Variants in LINGO2 observed in about 807,000 individuals in gnomAD.
LINGO2 encodes the protein leucine rich repeat and Ig domain containing 2.
Under a neutral mutation model 30.6 loss-of-function variants are expected in LINGO2, and 14 were observed. That is an observed-to-expected ratio of 0.46 (90% CI 0.30 to 0.72). The LOEUF (loss-of-function observed/expected upper bound fraction) is 0.72. Ranked by LOEUF, LINGO2 falls within the 30% of genes least tolerant of loss-of-function variation. The pLI is 0.07. For synonymous variants in LINGO2, 317 were observed against 288.5 expected, an observed-to-expected ratio of 1.10 and a Z score of -1.00; for missense variants, 729 against 751.7, an observed-to-expected ratio of 0.97 and a Z score of 0.35.
chr9:28,141,889 G>A (rs924454498), intron 4 of LINGO2, among the ~76,000 whole-genome samples: 1 of 152,214 alleles, frequency 6.6e-6, no homozygotes, highest in Non-Finnish European at 1.5e-5. Context: ...TCCAGCCTGG[G>A]TGACAGGGCG....
chr9:28,835,074 A>C, the LINGO2 span, among the ~76,000 whole-genome samples: 1 of 152,212 alleles, frequency 6.6e-6, no homozygotes, highest in Non-Finnish European at 1.5e-5. Flanking sequence ...TCTGGGGCTT[A>C]GACCTGCTCT....
At chr9:28,826,554 C>T in the LINGO2 span, among the ~76,000 whole-genome samples, 1 of 152,056 alleles carries the variant, frequency 6.6e-6, no homozygotes, top group Non-Finnish European at 1.5e-5. Context: ...AGCACACACA[C>T]ACAAAATTGT....
At chr9:28,282,158 C>T (rs778113550) in intron 4 of LINGO2, among the ~76,000 whole-genome samples, 9 of 152,042 alleles carry the variant, frequency 5.9e-5, no homozygotes, top group South Asian at 2.1e-4. Context: ...TCATTAGAGA[C>T]CAAAGTTTAA....
the LINGO2 span, among the ~76,000 whole-genome samples, chr9:28,729,213 C>G: frequency 1.3e-5 from 2 of 152,000 alleles, no homozygotes; most frequent in East Asian, 3.9e-4. Context: ...TATCAGCAGC[C>G]CAAGAAGAAA....
chr9:29,062,221 C>A, the LINGO2 span, among the ~76,000 whole-genome samples: 1 of 151,932 alleles, frequency 6.6e-6, no homozygotes, highest in Non-Finnish European at 1.5e-5. Context: ...AAATTAGAAG[C>A]CTGTGCACTG....
At chr9:29,090,367 A>G in the LINGO2 span, among the ~76,000 whole-genome samples, 1 of 151,944 alleles carries the variant, frequency 6.6e-6, no homozygotes, top group Non-Finnish European at 1.5e-5. Flanking sequence ...CCCCTTCAGC[A>G]TCAGTCTTGC....
At chr9:28,203,529 T>A (rs1241449124) in intron 4 of LINGO2, among the ~76,000 whole-genome samples, 1 of 152,078 alleles carries the variant, frequency 6.6e-6, no homozygotes, top group African/African-American at 2.4e-5. Flanking sequence ...TTCTGAAAAT[T>A]AGTCATTGCT....
At chr9:28,556,752 C>T (rs1338261553) in intron 1 of LINGO2, among the ~76,000 whole-genome samples, 1 of 151,952 alleles carries the variant, frequency 6.6e-6, no homozygotes, top group African/African-American at 2.4e-5. Flanking sequence ...AACTATACTA[C>T]AAGGCTACAG....
chr9:28,646,490 A>G (rs1827844469), intron 1 of LINGO2, among the ~76,000 whole-genome samples: 2 of 152,110 alleles, frequency 1.3e-5, no homozygotes, highest in Non-Finnish European at 2.9e-5. Flanking sequence ...TGAGAAAGTG[A>G]AAGAAACCAT....
At chr9:28,973,925 T>G in the LINGO2 span, among the ~76,000 whole-genome samples, 1 of 152,146 alleles carries the variant, frequency 6.6e-6, no homozygotes, top group Non-Finnish European at 1.5e-5. Context: ...AAACGAACAT[T>G]AATGAGCAAT....
chr9:28,619,305 G>T (rs1461860776), intron 1 of LINGO2, among the ~76,000 whole-genome samples: 1 of 151,934 alleles, frequency 6.6e-6, no homozygotes, highest in Non-Finnish European at 1.5e-5. Context: ...CTATGTATCA[G>T]AAGAAACCTG....
chr9:28,953,397 T>G, the LINGO2 span, among the ~76,000 whole-genome samples: 25 of 152,078 alleles, frequency 1.6e-4, no homozygotes, highest in Non-Finnish European at 3.2e-4. Context: ...ATATTAGAAA[T>G]GAAAGCTGAG....
At chr9:28,138,357 T>C (rs1587064130) in intron 4 of LINGO2, among the ~76,000 whole-genome samples, 1 of 152,342 alleles carries the variant, frequency 6.6e-6, no homozygotes, top group Non-Finnish European at 1.5e-5. Context: ...GTGCTTTGTC[T>C]ACATGTATGG....
chr9:28,737,047 G>A, the LINGO2 span, among the ~76,000 whole-genome samples: 4 of 152,172 alleles, frequency 2.6e-5, no homozygotes, highest in Non-Finnish European at 4.4e-5. Flanking sequence ...CCTTAAAACT[G>A]GTTTAGATCA....
At chr9:28,781,864 A>T in the LINGO2 span, among the ~76,000 whole-genome samples, 1 of 152,210 alleles carries the variant, frequency 6.6e-6, no homozygotes, top group South Asian at 2.1e-4. Flanking sequence ...TATTGGCAAC[A>T]TTAGGAACAT....
intron 2 of LINGO2, among the ~76,000 whole-genome samples, chr9:28,393,074 T>C (rs1239333285): frequency 6.6e-6 from 1 of 152,228 alleles, no homozygotes; most frequent in East Asian, 1.9e-4. Context: ...GATGAAAACG[T>C]TGTGTGAAAT....
At chr9:27,961,233 T>C (rs1231949996) in intron 5 of LINGO2, among the ~76,000 whole-genome samples, 1 of 152,230 alleles carries the variant, frequency 6.6e-6, no homozygotes, top group East Asian at 1.9e-4. Flanking sequence ...ATTTTCAATG[T>C]AATGATATCT....
At chr9:29,078,823 C>T in the LINGO2 span, among the ~76,000 whole-genome samples, 2 of 151,896 alleles carry the variant, frequency 1.3e-5, no homozygotes, top group Non-Finnish European at 2.9e-5. Flanking sequence ...GAATGTTTCC[C>T]CAACTACCTG....
chr9:28,504,522 C>A (rs1820023644), intron 1 of LINGO2, among the ~76,000 whole-genome samples: 1 of 151,756 alleles, frequency 6.6e-6, no homozygotes, highest in Non-Finnish European at 1.5e-5. Context: ...TTCACTGGCA[C>A]AATTCTAACA....
Sources: gnomAD v4.1 joint callset for allele counts (sites outside exome capture counted in the v4.1 genomes callset) on GRCh38, gnomAD v4.1.1 for gene constraint, MANE v1.5 for transcripts, NCBI Gene and HGNC (gene_info 2026-07-23, HGNC 2026-07-21) for gene names.